Variants in ZNF106 observed in about 807,000 individuals in gnomAD.
ZNF106 encodes SH3-domain binding protein 3.
A neutral mutation model predicts 195.1 loss-of-function variants in ZNF106; 67 were observed. That is an observed-to-expected ratio of 0.34 (90% CI 0.28 to 0.42). The LOEUF (loss-of-function observed/expected upper bound fraction) is 0.42, where lower values mean the gene tolerates loss of function less well. Among genes scored for constraint, ZNF106 ranks in the 10% least tolerant of loss-of-function variants. The pLI, the probability that ZNF106 is intolerant of heterozygous loss-of-function variation, is 1.00. For synonymous variants in ZNF106, 784 were observed against 818.6 expected (o/e 0.96, Z 0.72); for missense variants, 2,118 against 2,304.5 (o/e 0.92, Z 1.66).
At chr15:42,426,277 T>A (rs1047809884) in intron 15 of ZNF106, among the ~76,000 whole-genome samples, 6 of 152,188 alleles carry the variant, frequency 3.9e-5, no homozygotes, top group Non-Finnish European at 2.9e-5. Context: ...AATGTCTGTC[T>A]CTAGGACCAT....
At chr15:42,436,984 A>G (rs2055299304) in intron 13 of ZNF106, among the ~76,000 whole-genome samples, 2 of 152,154 alleles carry the variant, frequency 1.3e-5, no homozygotes, top group South Asian at 2.1e-4. Context: ...CCTGACATTT[A>G]CCCTGTAAGC....
In ZNF106 at chr15:42,415,398, A is replaced by C. The variant is rs2054413915; in HGVS notation, c.*1906T>G. On this transcript the variant is annotated 3_prime_UTR_variant, in exon 22 of 22. Coordinates refer to ENST00000564754, the MANE Select transcript of ZNF106 (RefSeq NM_001366845.3). ...CGGCCTCCCAAAGAGCTGGGATTAC[A>C]GGTGTGAGCCACCAGGCCCGGCCTC... is the stretch of plus-strand genomic sequence containing the variant. 2.2e-6 allele frequency: 1 copy of C among 454,302 alleles called. No homozygotes were observed. The highest frequency in any genetic ancestry group is 2.0e-5 in the African/African-American group (1 of 49,862). 28.1% of individuals were successfully genotyped at this position (454,302 alleles called of 1,614,324 possible). A position where few individuals can be genotyped will look rare whatever the true frequency, so the allele number is the denominator to read the frequency against.
rs768687066 is a variant in ZNF106 at position 42,435,501 on chromosome 15, A to T, written c.4764T>A (p.Gly1588=). ...CTTTGGAGGTATGACCCTCAAAGACACCAATACATTTCCGACTCTAAAGTT... is the reference window on the plus strand; with the variant it reads ...CTTTGGAGGTATGACCCTCAAAGACTCCAATACATTTCCGACTCTAAAGTT... ...VYNLVSRKCI[G]VFEGHTSKVN... The change falls in exon 14 of 22, where the codon GGT becomes GGA. Residue 1588 remains glycine (G), a synonymous_variant. Transcript: ENST00000564754. 1.1e-5 allele frequency: 17 copies of T among 1,614,212 alleles called. No homozygotes were observed. The highest frequency in any genetic ancestry group is 1.4e-5 in the Non-Finnish European group (17 of 1,180,038).
At chr15:42,486,581 T>C (rs968735283) in intron 1 of ZNF106, among the ~76,000 whole-genome samples, 3 of 152,164 alleles carry the variant, frequency 2.0e-5, no homozygotes, top group Non-Finnish European at 4.4e-5. Flanking sequence ...CATCTACGTA[T>C]AGCTCACATT....
intron 14 of ZNF106, among the ~76,000 whole-genome samples, chr15:42,429,935 C>T (rs774713312): frequency 2.0e-5 from 3 of 152,034 alleles, no homozygotes; most frequent in Admixed American, 1.3e-4. Flanking sequence ...GAAAAGTAAT[C>T]TATGACAGGA....
chr15:42,420,561 G>C (rs2054619371), intron 20 of ZNF106, among the ~76,000 whole-genome samples: 2 of 152,214 alleles, frequency 1.3e-5, no homozygotes, highest in Admixed American at 1.3e-4. Context: ...TAGGGTTTTA[G>C]GGAAAAGCTA....
intron 4 of ZNF106, 76 bp downstream of exon 4, chr15:42,456,882 C>G: frequency 1.5e-6 from 2 of 1,355,184 alleles, no homozygotes; most frequent in Non-Finnish European, 2.0e-6. Flanking sequence ...ATGGGCTGAC[C>G]AGTACAAAGA....
intron 2 of ZNF106, 142 bp downstream of exon 2, chr15:42,472,094 A>G (rs1263747210): frequency 4.9e-6 from 4 of 820,992 alleles, no homozygotes; most frequent in South Asian, 2.7e-5. Flanking sequence ...ATGGTTTAGG[A>G]AAGAAAAGAA....
At chr15:42,436,546 T>C (rs554375617) in intron 13 of ZNF106, among the ~76,000 whole-genome samples, 25 of 152,338 alleles carry the variant, frequency 1.6e-4, no homozygotes, top group Admixed American at 1.2e-3. Flanking sequence ...AATATTTTCA[T>C]GGTATTCATT....
chr15:42,418,427 C>T lies in ZNF106; in HGVS notation c.5518-476G>A, dbSNP rs369585541. Among the ~76,000 whole-genome samples the T allele has an allele frequency of 1.2e-4, 17 of 146,772 alleles. No individual in the cohort carries two copies. The East Asian group carries it at 2.8e-3, about 24-fold the overall frequency. ...AGGCTGGAGTGCAGTGGCACGATCT[C>T]GGCTCACTGCAACCTCTGCCCCCTG... is the stretch of plus-strand genomic sequence containing the variant. On this transcript the variant is annotated intron_variant, in intron 20 of 21. Coordinates refer to ENST00000564754, the MANE Select transcript of ZNF106 (RefSeq NM_001366845.3).
At chr15:42,458,916 A>T (rs1380309586) in intron 3 of ZNF106, among the ~76,000 whole-genome samples, 2 of 151,994 alleles carry the variant, frequency 1.3e-5, no homozygotes, top group Admixed American at 6.6e-5. Context: ...CAGTAAGTTT[A>T]AAAAAACAAC....
intron 14 of ZNF106, among the ~76,000 whole-genome samples, chr15:42,428,808 G>A (rs1204834973): frequency 6.6e-6 from 1 of 152,064 alleles, no homozygotes; most frequent in Non-Finnish European, 1.5e-5. Flanking sequence ...CTGTCGCCCA[G>A]GCTGGAGTGC....
intron 14 of ZNF106, among the ~76,000 whole-genome samples, chr15:42,430,396 T>C (rs191543882): frequency 2.6e-5 from 4 of 152,164 alleles, no homozygotes; most frequent in Admixed American, 2.6e-4. Context: ...ATTTGTTTTT[T>C]GAAAGACAAG....
intron 14 of ZNF106, among the ~76,000 whole-genome samples, chr15:42,428,925 A>G (rs1340090361): frequency 1.3e-5 from 2 of 151,550 alleles, no homozygotes; most frequent in Non-Finnish European, 2.9e-5. Flanking sequence ...CACCACGCCC[A>G]GCTAATTTTT....
chr15:42,423,575 A>G (rs1566995549), intron 17 of ZNF106, among the ~76,000 whole-genome samples: 1 of 152,004 alleles, frequency 6.6e-6, no homozygotes, highest in African/African-American at 2.4e-5. Flanking sequence ...AGATGGGGCC[A>G]CTATTTTGCC....
At position 42,442,119 on chromosome 15, in the gene ZNF106, T is replaced by C. The variant is rs756416512; in HGVS notation, c.3717A>G (p.Pro1239=). Reference sequence around the variant, plus strand: ...TGGACACATTGCAGGCAGAGCTTGGTGGCACAGCATTCACATTCTCATCTT... The same window carrying C: ...TGGACACATTGCAGGCAGAGCTTGGCGGCACAGCATTCACATTCTCATCTT... The part of the protein sequence containing the change: ...PEQDENVNAV[P]PSSACNVSKE... Residue 1239 remains proline (P), a synonymous_variant, in exon 10 of 22, where the codon CCA becomes CCG. Transcript: ENST00000564754. The C allele has an allele frequency of 1.2e-6, 2 of 1,614,092 alleles. No individual in the cohort carries two copies. Among genetic ancestry groups the C allele is most frequent in the South Asian group, 2.2e-5 (2 of 91,056 alleles).
intron 6 of ZNF106, 36 bp downstream of exon 6, chr15:42,448,036 C>G: frequency 6.4e-7 from 1 of 1,558,680 alleles, no homozygotes; most frequent in Non-Finnish European, 8.7e-7. Flanking sequence ...TTGCCACATG[C>G]GATGTTCTAC....
chr15:42,458,764 G>A (rs961747113), intron 3 of ZNF106, among the ~76,000 whole-genome samples: 4 of 151,114 alleles, frequency 2.6e-5, no homozygotes, highest in African/African-American at 9.7e-5. Context: ...TAAATTCTAG[G>A]TGTGCTGTTT....
intron 16 of ZNF106, chr15:42,424,629 C>T (rs1294716237): frequency 1.9e-6 from 1 of 533,586 alleles, no homozygotes; most frequent in East Asian, 3.2e-5. Context: ...CAGGTGCACA[C>T]CACAACATCC....
Sources: allele counts gnomAD v4.1 joint callset (sites outside exome capture counted in the v4.1 genomes callset), GRCh38; gene constraint gnomAD v4.1.1; transcripts MANE v1.5; gene names NCBI Gene and HGNC (gene_info 2026-07-23, HGNC 2026-07-21).